CES4A: variants seen among roughly 807,000 people sequenced by gnomAD.
CES4A encodes carboxylesterase 6.
A neutral mutation model predicts 65.4 loss-of-function variants in CES4A; 48 were observed. That is an observed-to-expected ratio of 0.73 (90% CI 0.58 to 0.93). The LOEUF is 0.93. CES4A is among the 40% of genes least tolerant of loss of function. CES4A has a pLI of 0.00. For missense variants in CES4A, 685 were observed against 728.5 expected (o/e 0.94, Z 0.69); for synonymous variants, 247 against 281.8 (o/e 0.88, Z 1.24).
In CES4A at chr16:67,005,434, A is replaced by G. The variant is rs752031762; in HGVS notation, c.1315+41A>G. 4 of 1,598,634 alleles carry G rather than the reference A, an allele frequency of 2.5e-6. No homozygotes were observed. In the East Asian group the frequency reaches 9.0e-5, roughly 36 times the overall value. Reference sequence around the variant, plus strand: ...AAGAGTGGCCACACTGGCCCCGTCCACTCTCCAGGTGTGCTGTTTACCAAC... The same window carrying G: ...AAGAGTGGCCACACTGGCCCCGTCCGCTCTCCAGGTGTGCTGTTTACCAAC... On this transcript the variant is annotated intron_variant, in intron 11 of 13. Coordinates refer to ENST00000648724, the Ensembl canonical transcript of CES4A.
At chr16:66,989,031 C>T (rs1467746273) in intron 1 of CES4A, among the ~76,000 whole-genome samples, 1 of 152,180 alleles carries the variant, frequency 6.6e-6, no homozygotes, top group Non-Finnish European at 1.5e-5. Flanking sequence ...CCCTGAACCT[C>T]AGGGCTTCTC....
intron 5 of CES4A, among the ~76,000 whole-genome samples, chr16:67,002,303 A>G (rs989349984): frequency 2.0e-5 from 3 of 152,122 alleles, no homozygotes; most frequent in Non-Finnish European, 4.4e-5. Context: ...GTAAGCAGCA[A>G]AGTGACATGA....
exon 14 of CES4A, chr16:67,009,283 C>T (rs987320972): frequency 3.3e-5 from 26 of 794,116 alleles, no homozygotes; most frequent in Admixed American, 2.9e-4. Context: ...TGCCTCCAGG[C>T]CAAAGCTAGA....
rs1402803577 is a variant in CES4A, at chr16:67,000,494, T to G, written c.261-144T>G. 5 of 1,435,244 alleles carry G rather than the reference T, an allele frequency of 3.5e-6. No homozygotes were observed. Among genetic ancestry groups the G allele is most frequent in the East Asian group, 2.6e-5 (1 of 39,180 alleles). The allele number at this position is 1,435,244 out of a possible 1,614,324, so 88.9% of individuals were successfully genotyped here. On this transcript the variant is annotated intron_variant, in intron 2 of 13. Coordinates refer to ENST00000648724, the Ensembl canonical transcript of CES4A. This position sits in a 1 kb window ranked among gnomAD's most constrained non-coding sequence, Gnocchi z 4.2. ...GGCCCCGGGGCTGGCGGAGGCCTCC[T>G]GTACACGCACACGCACGCACATGCG...
In CES4A at chr16:66,988,754, A is replaced by G. The variant is rs1172645321; in HGVS notation, c.-19A>G. 2.6e-6 allele frequency: 4 copies of G among 1,558,734 alleles called. No individual in the cohort carries two copies. The South Asian group carries it at 3.5e-5, about 14-fold the overall frequency. On this transcript the variant is annotated 5_prime_UTR_variant, in exon 1 of 14. Coordinates refer to ENST00000648724, the Ensembl canonical transcript of CES4A. ...CAGTGTTGCCATCACTCCTGCCCAC[A>G]GCAGGAGCTGGCTGGAGCATGAGGT...
chr16:66,998,180 C>T lies in CES4A; in HGVS notation c.260+2351C>T, dbSNP rs548181508. On this transcript the variant is annotated intron_variant, in intron 2 of 13. Coordinates refer to ENST00000648724, the Ensembl canonical transcript of CES4A. The stretch of plus-strand genomic sequence containing the variant: ...AGAAAAAAAAACAAAAACTGAGGGT[C>T]GAGGACTGGGCACTCTCATGCTTAG... Among the ~76,000 whole-genome samples the T allele has an allele frequency of 3.9e-5, 6 of 152,014 alleles. No homozygotes were observed. In the East Asian group the frequency reaches 5.8e-4, roughly 15 times the overall value.
chr16:66,993,706 T>C (rs781488399), intron 1 of CES4A, among the ~76,000 whole-genome samples: 2 of 152,216 alleles, frequency 1.3e-5, no homozygotes, highest in African/African-American at 2.4e-5. Flanking sequence ...TAAATTAGCA[T>C]GTACATGTGA....
chr16:67,005,416 G>A (rs1410855490), intron 11 of CES4A, 23 bp downstream of exon 11: 14 of 1,610,096 alleles, frequency 8.7e-6, no homozygotes, highest in Non-Finnish European at 1.2e-5. Context: ...CCCAAGAGTG[G>A]CCACACTGGC....
rs1342019611 is a variant in CES4A, at chr16:67,000,889, C to T, written c.435C>T (p.Ile145=). The T allele has an allele frequency of 1.9e-6, 3 of 1,609,360 alleles. No individual in the cohort carries two copies. The highest frequency in any genetic ancestry group is 4.5e-5 in the East Asian group (2 of 44,706). ...TCTGGTTCCCGGGAGGCGCCTTCAT[C>T]GTGGGCGCTGCTTCTTCGTACGAGG... Residue 145 remains isoleucine, a synonymous_variant, in exon 4 of 14, where the codon ATC becomes ATT. Coordinates refer to ENST00000648724, the Ensembl canonical transcript of CES4A. The surrounding 1 kb of genome is among the most constrained non-coding windows in gnomAD (Gnocchi z 4.2).
intron 9 of CES4A, 86 bp downstream of exon 9, chr16:67,004,310 C>A: frequency 6.7e-7 from 1 of 1,487,418 alleles, no homozygotes; most frequent in Non-Finnish European, 9.2e-7. Context: ...TTGGACGGTG[C>A]TGGGCACCAG....
chr16:67,005,024 T>C, intron 10 of CES4A, 151 bp downstream of exon 10: 1 of 746,518 alleles, frequency 1.3e-6, no homozygotes, highest in Non-Finnish European at 2.2e-6. Context: ...ATCAGATGAC[T>C]GCTTACAGGT....
At chr16:67,006,991 CT>C (rs1369590994) in intron 13 of CES4A, 174 bp downstream of exon 13, 5 of 599,104 alleles carry the variant, frequency 8.3e-6, no homozygotes, top group African/African-American at 7.4e-5. Context: ...TCCTAAACGT[CT>C]CTAGAATGTG....
Position 66,995,757 on chromosome 16 carries a change from T to C in CES4A, c.188T>C (p.Ile63Thr), listed in dbSNP as rs1342257047. Reference sequence around the variant, plus strand: ...CCCTTCTCCAGACCTCCTCTAGGTATCCTCAGGTTTGCACCTCCAGAACCC... The same window carrying C: ...CCCTTCTCCAGACCTCCTCTAGGTACCCTCAGGTTTGCACCTCCAGAACCC... The change falls in exon 2 of 14, where the codon ATC becomes ACC. Residue 63 changes from isoleucine (I) to threonine (T), a missense_variant. By Grantham distance (89) the Ile-to-Thr change is moderately conservative. Coordinates refer to ENST00000648724, the Ensembl canonical transcript of CES4A. 1.9e-6 allele frequency: 3 copies of C among 1,614,178 alleles called. No homozygotes were observed. The East Asian group carries it at 6.7e-5, about 36-fold the overall frequency.
intron 1 of CES4A, among the ~76,000 whole-genome samples, chr16:66,992,165 T>C (rs903405490): frequency 6.6e-6 from 1 of 152,202 alleles, no homozygotes; most frequent in Non-Finnish European, 1.5e-5. Context: ...TCTGGGTCTT[T>C]GGGCCTCCCC....
At position 67,000,435 on chromosome 16, in the gene CES4A, G is replaced by A. The variant is rs1376600323; in HGVS notation, c.261-203G>A. 7.2e-7 allele frequency: 1 copy of A among 1,389,690 alleles called. No individual in the cohort carries two copies. The highest frequency in any genetic ancestry group is 1.5e-5 in the African/African-American group (1 of 67,868). The allele number at this position is 1,389,690 out of a possible 1,614,324, so 86.1% of individuals were successfully genotyped here. A position where few individuals can be genotyped will look rare whatever the true frequency, so the allele number is the denominator to read the frequency against. Reference sequence around the variant, plus strand: ...CTGAGGCGCCGGGCAGGGAGGGGATGGTTCCTGAGAGGCCAACCTGCCTCC... The same window carrying A: ...CTGAGGCGCCGGGCAGGGAGGGGATAGTTCCTGAGAGGCCAACCTGCCTCC... On this transcript the variant is annotated intron_variant, in intron 2 of 13. Transcript: ENST00000648724. This position sits in a 1 kb window ranked among gnomAD's most constrained non-coding sequence, Gnocchi z 4.2.
intron 2 of CES4A, 34 bp downstream of exon 2, chr16:66,995,863 C>CA (rs757557968): frequency 6.3e-7 from 1 of 1,581,200 alleles, no homozygotes; most frequent in South Asian, 1.1e-5. Flanking sequence ...TGGGAGGGGG[C>CA]AATGGGCCTA....
Position 67,000,575 on chromosome 16 carries a change from T to C in CES4A, c.261-63T>C. On this transcript the variant is annotated intron_variant, in intron 2 of 13. Coordinates refer to ENST00000648724, the Ensembl canonical transcript of CES4A. The surrounding 1 kb of genome is among the most constrained non-coding windows in gnomAD (Gnocchi z 4.2). Reference sequence around the variant, plus strand: ...GGATTTTGCTTTGGGTTCCGTCTTCTCACTGCGGACCCTGGATTGAAACGA... The same window carrying C: ...GGATTTTGCTTTGGGTTCCGTCTTCCCACTGCGGACCCTGGATTGAAACGA... 6.7e-7 allele frequency: 1 copy of C among 1,503,180 alleles called. No homozygotes were observed. The highest frequency in any genetic ancestry group is 8.9e-7 in the Non-Finnish European group (1 of 1,120,626). The allele number at this position is 1,503,180 out of a possible 1,614,324, so 93.1% of individuals were successfully genotyped here.
chr16:67,001,236 G>T lies in CES4A; in HGVS notation c.537-72G>T. 1.3e-6 allele frequency: 2 copies of T among 1,488,828 alleles called. No homozygotes were observed. The highest frequency in any genetic ancestry group is 1.8e-6 in the Non-Finnish European group (2 of 1,121,458). 92.2% of individuals were successfully genotyped at this position (1,488,828 alleles called of 1,614,324 possible). A position where few individuals can be genotyped will look rare whatever the true frequency, so the allele number is the denominator to read the frequency against. ...GGCAAGGCTGGGCTGGGTGGGGGAA[G>T]CCCAGGAGGGCAGCCCAACGCGCCC... On this transcript the variant is annotated intron_variant, in intron 4 of 13. Transcript: ENST00000648724. This position sits in a 1 kb window ranked among gnomAD's most constrained non-coding sequence, Gnocchi z 4.1.
chr16:67,009,208 G>A (rs2145683322), exon 14 of CES4A: 2 of 1,468,486 alleles, frequency 1.4e-6, no homozygotes, highest in Non-Finnish European at 1.8e-6. Flanking sequence ...GGGGAGACTA[G>A]CCATGGACAT....
Sources: allele counts gnomAD v4.1 joint callset (sites outside exome capture counted in the v4.1 genomes callset), GRCh38; gene constraint gnomAD v4.1.1; non-coding constraint Gnocchi (gnomAD v3.1); transcripts MANE v1.5; gene names NCBI Gene and HGNC (gene_info 2026-07-23, HGNC 2026-07-21).